Variants in GLG1 observed in about 807,000 individuals in gnomAD.
The protein encoded by GLG1 is golgi glycoprotein 1, also known as Golgi apparatus protein 1.
A neutral mutation model predicts 160.5 loss-of-function variants in GLG1; 38 were observed. The observed-to-expected ratio is 0.24, with a 90% CI of 0.18 to 0.31. The LOEUF (loss-of-function observed/expected upper bound fraction) is 0.31, where lower values mean the gene tolerates loss of function less well. GLG1 is among the 10% of genes least tolerant of loss of function. The pLI is 1.00. For synonymous variants in GLG1, 644 were observed against 543.4 expected (o/e 1.19, Z -2.57); for missense variants, 1,373 against 1,505.2 (o/e 0.91, Z 1.45).
intron 2 of GLG1, among the ~76,000 whole-genome samples, chr16:74,515,165 A>T (rs1419015462): frequency 6.6e-6 from 1 of 152,188 alleles, no homozygotes; most frequent in Admixed American, 6.5e-5. Flanking sequence ...AGAGACCTAC[A>T]AAGAGACTTA....
intron 3 of GLG1, among the ~76,000 whole-genome samples, chr16:74,504,736 C>T (rs537849698): frequency 6.6e-6 from 1 of 152,182 alleles, no homozygotes; most frequent in East Asian, 1.9e-4. Flanking sequence ...TGCAGTTTAG[C>T]AAGAAGTTTG....
At position 74,578,767 on chromosome 16, in the gene GLG1, G is replaced by T. The variant is rs191802495; in HGVS notation, c.438+27890C>A. 7.9e-5 allele frequency among the ~76,000 whole-genome samples: 12 copies of T among 152,308 alleles called. No homozygotes were observed. In the East Asian group the frequency reaches 1.9e-3, roughly 24 times the overall value. On this transcript the variant is annotated intron_variant, in intron 1 of 25. Coordinates refer to ENST00000422840, the MANE Select transcript of GLG1 (RefSeq NM_001145667.2). ...TATCTGATGTAGATATATTGATTCT[G>T]TGGTTTTTTAAAATCTTCCCCAATA...
intron 1 of GLG1, among the ~76,000 whole-genome samples, chr16:74,590,670 G>T (rs2143860377): frequency 6.7e-6 from 1 of 148,174 alleles, no homozygotes. Flanking sequence ...GACACCACAT[G>T]CTTGTAATCC....
intron 1 of GLG1, among the ~76,000 whole-genome samples, chr16:74,575,015 G>A (rs1478260841): frequency 1.8e-5 from 1 of 55,144 alleles, no homozygotes; most frequent in East Asian, 5.2e-4. Flanking sequence ...CCGGGGGGGG[G>A]GGGGGGGCGG....
chr16:74,493,546 C>T (rs1225897999), intron 6 of GLG1, among the ~76,000 whole-genome samples: 1 of 152,106 alleles, frequency 6.6e-6, no homozygotes, highest in Non-Finnish European at 1.5e-5. Context: ...CTTTAAAATA[C>T]AATTATTCAA....
At chr16:74,591,577 G>T (rs373877570) in intron 1 of GLG1, among the ~76,000 whole-genome samples, 2 of 147,062 alleles carry the variant, frequency 1.4e-5, no homozygotes, top group Non-Finnish European at 3.0e-5. Flanking sequence ...GCAGTGAGCC[G>T]AAATCGCACC....
At position 74,498,770 on chromosome 16, in the gene GLG1, C is replaced by T. The variant is rs576182188; in HGVS notation, c.775-2126G>A. Among the ~76,000 whole-genome samples, 374 of 137,030 alleles carry T rather than the reference C, an allele frequency of 2.7e-3. 1 individual carries two copies. The highest frequency in any genetic ancestry group is 4.2e-3 in the Middle Eastern group (1 of 240). 89.9% of individuals were successfully genotyped at this position (137,030 alleles called of 152,430 possible). On this transcript the variant is annotated intron_variant, in intron 4 of 25. Transcript: ENST00000422840. ...ACCCCAGCTACTCAGGAAGCTGAGG[C>T]GAGAGAATTGCTTGAATCTGGGAGG...
intron 2 of GLG1, among the ~76,000 whole-genome samples, chr16:74,509,163 ATTTTTTTTTTT>A (rs11295055): frequency 1.1e-5 from 1 of 89,640 alleles, no homozygotes; most frequent in African/African-American, 4.5e-5. Context: ...CTAAAGGACA[ATTTTTTTTTTT>A]TTTTTTTTTT....
intron 1 of GLG1, among the ~76,000 whole-genome samples, chr16:74,553,214 T>C (rs2018251294): frequency 6.9e-6 from 1 of 145,978 alleles, no homozygotes; most frequent in African/African-American, 2.5e-5. Flanking sequence ...GAGCAAACTC[T>C]GTCTCAAAAA....
At chr16:74,601,398 G>A (rs1003063704) in intron 1 of GLG1, among the ~76,000 whole-genome samples, 2 of 151,264 alleles carry the variant, frequency 1.3e-5, no homozygotes, top group Admixed American at 1.3e-4. Context: ...TGGGCAACCC[G>A]GCAAGACCTT....
intron 19 of GLG1, among the ~76,000 whole-genome samples, chr16:74,463,732 T>TG (rs1555507088): frequency 1.6e-4 from 24 of 151,130 alleles, no homozygotes; most frequent in South Asian, 1.3e-3. Context: ...TTGTGTTTTT[T>TG]TTGTTGTTGT....
intron 1 of GLG1, among the ~76,000 whole-genome samples, chr16:74,584,982 C>A (rs1260837955): frequency 1.3e-5 from 2 of 152,024 alleles, no homozygotes; most frequent in Non-Finnish European, 2.9e-5. Context: ...ATGGGTGGAC[C>A]AAAATCTCAG....
intron 2 of GLG1, among the ~76,000 whole-genome samples, chr16:74,529,309 C>T (rs2017450424): frequency 6.6e-6 from 1 of 152,018 alleles, no homozygotes; most frequent in African/African-American, 2.4e-5. Context: ...TCTTTTAAAA[C>T]TACCCATAAG....
intron 22 of GLG1, 106 bp downstream of exon 22, chr16:74,461,988 T>G: frequency 1.5e-6 from 1 of 646,216 alleles, no homozygotes; most frequent in Admixed American, 2.6e-5. Flanking sequence ...GGCCTTCAAT[T>G]CACCAGATCA....
rs1312765632 is a variant in GLG1 at position 74,550,752 on chromosome 16, A to T, written c.439-18599T>A. 2.6e-5 allele frequency among the ~76,000 whole-genome samples: 4 copies of T among 152,276 alleles called. No homozygotes were observed. The East Asian group carries it at 5.8e-4, about 22-fold the overall frequency. On this transcript the variant is annotated intron_variant, in intron 1 of 25. Coordinates refer to ENST00000422840, the MANE Select transcript of GLG1 (RefSeq NM_001145667.2). ...ATCTTCTGAAAAAAAAAATTTAGAG[A>T]TTTAAATGAAATCTTTTTTTAGTGA...
In GLG1 at chr16:74,472,535, C is replaced by T. The variant is rs757227942; in HGVS notation, c.2053-124G>A. On this transcript the variant is annotated intron_variant, in intron 13 of 25. Transcript: ENST00000422840. ...ATAATCTAATACATACTTTTGGAAA[C>T]GATTCTAGTATTTGAAGTAGATAGC... 5.1e-4 allele frequency: 732 copies of T among 1,440,990 alleles called. 1 individual carries two copies. The highest frequency in any genetic ancestry group is 6.2e-4 in the Non-Finnish European group (662 of 1,065,442). 89.3% of individuals were successfully genotyped at this position (1,440,990 alleles called of 1,614,324 possible).
Position 74,474,535 on chromosome 16 carries a change from A to ATACCACT in GLG1, c.2052+4_2052+10dup. 7.7e-7 allele frequency: 1 copy of ATACCACT among 1,306,928 alleles called. No homozygotes were observed. The highest frequency in any genetic ancestry group is 1.1e-6 in the Non-Finnish European group (1 of 899,340). The allele number at this position is 1,306,928 out of a possible 1,614,324, so 81.0% of individuals were successfully genotyped here. ...CACTCTCCTCCAATGAGTAAGCTGC[A>ATACCACT]TACCACTTACCTCTGATTCTAACTC... On this transcript the variant is annotated intron_variant, in intron 13 of 25. Coordinates refer to ENST00000422840, the MANE Select transcript of GLG1 (RefSeq NM_001145667.2).
At chr16:74,570,046 AC>A (rs1395738641) in intron 1 of GLG1, among the ~76,000 whole-genome samples, 17 of 151,846 alleles carry the variant, frequency 1.1e-4, no homozygotes, top group African/African-American at 4.1e-4. Flanking sequence ...AAAAAAAAAA[AC>A]AATAGTTTTG....
intron 11 of GLG1, among the ~76,000 whole-genome samples, chr16:74,479,414 C>T (rs2015518635): frequency 6.6e-6 from 1 of 150,840 alleles, no homozygotes. Context: ...GTGGGAGCCC[C>T]CATGGTTAAT....
Sources: allele counts gnomAD v4.1 joint callset (sites outside exome capture counted in the v4.1 genomes callset), GRCh38; gene constraint gnomAD v4.1.1; transcripts MANE v1.5; gene names NCBI Gene and HGNC (gene_info 2026-07-23, HGNC 2026-07-21).